Variants in CSMD3 observed in about 807,000 individuals in gnomAD.
The protein encoded by CSMD3 is CUB and Sushi multiple domains 3.
CSMD3 carries 177 observed loss-of-function variants against 435.2 expected under a neutral mutation model. The observed-to-expected ratio is 0.41, with a 90% CI of 0.36 to 0.46. The LOEUF is 0.46. Ranked by LOEUF, CSMD3 falls within the 20% of genes least tolerant of loss-of-function variation. The pLI is 0.34. For synonymous variants in CSMD3, 1,656 were observed against 1,520.5 expected, an observed-to-expected ratio of 1.09 and a Z score of -2.07; for missense variants, 4,265 against 4,504.6, an observed-to-expected ratio of 0.95 and a Z score of 1.52.
chr8:112,343,314 T>C (rs1825356584), intron 41 of CSMD3, among the ~76,000 whole-genome samples: 1 of 152,062 alleles, frequency 6.6e-6, no homozygotes. Context: ...GGAAGAGCCA[T>C]GCTGGTTCAA....
intron 13 of CSMD3, among the ~76,000 whole-genome samples, chr8:112,733,414 T>G (rs908176024): frequency 6.6e-6 from 1 of 151,860 alleles, no homozygotes; most frequent in Admixed American, 6.6e-5. Context: ...AGTAAAGTCT[T>G]TAATGAAAAA....
intron 47 of CSMD3, among the ~76,000 whole-genome samples, chr8:112,315,645 G>A (rs953650386): frequency 7.9e-5 from 12 of 151,736 alleles, no homozygotes; most frequent in Non-Finnish European, 1.2e-4. Context: ...AATGTCTTAC[G>A]AACATAATTG....
At chr8:113,342,527 A>G (rs1016028558) in intron 1 of CSMD3, among the ~76,000 whole-genome samples, 2 of 152,188 alleles carry the variant, frequency 1.3e-5, no homozygotes, top group Non-Finnish European at 2.9e-5. Flanking sequence ...TCCAAGTATT[A>G]TTTATTTAGT....
intron 11 of CSMD3, among the ~76,000 whole-genome samples, chr8:112,853,379 T>C (rs1315564077): frequency 6.6e-6 from 1 of 152,008 alleles, no homozygotes. Flanking sequence ...GTGCCTGCCA[T>C]CATGCCTGGC....
At chr8:112,250,762 A>G (rs1000546191) in intron 63 of CSMD3, among the ~76,000 whole-genome samples, 1 of 151,866 alleles carries the variant, frequency 6.6e-6, no homozygotes, top group Non-Finnish European at 1.5e-5. Flanking sequence ...GAAAGTTTTT[A>G]TAACAAGAAT....
chr8:112,682,479 T>A lies in CSMD3; in HGVS notation c.2640A>T (p.Gly880=). The change falls in exon 16 of 71, where the codon GGA becomes GGT. Residue 880 remains glycine, a synonymous_variant. Transcript: ENST00000297405. ...GAATCAGTCCACTCCACATTACTTT[T>A]CCATCCATAAGAATACATGTAATTG... is the stretch of plus-strand genomic sequence containing the variant. ...TETITCILMD[G]KVMWSGLIPK... is the part of the protein sequence containing the mutation. The A allele has an allele frequency of 1.2e-6, 2 of 1,612,956 alleles. No homozygotes were observed. Among genetic ancestry groups the A allele is most frequent in the Non-Finnish European group, 8.5e-7 (1 of 1,179,826 alleles).
intron 3 of CSMD3, among the ~76,000 whole-genome samples, chr8:113,185,769 G>A (rs114688858): frequency 5.1e-4 from 77 of 152,094 alleles, no homozygotes; most frequent in African/African-American, 1.6e-3. Context: ...GCATGTGCAC[G>A]CGTGCGTGTA....
chr8:112,840,498 T>C (rs2080148301), intron 11 of CSMD3, among the ~76,000 whole-genome samples: 1 of 151,706 alleles, frequency 6.6e-6, no homozygotes, highest in Non-Finnish European at 1.5e-5. Context: ...ACCATAGTAA[T>C]AACAATGTAG....
intron 3 of CSMD3, among the ~76,000 whole-genome samples, chr8:113,249,613 G>C (rs972147450): frequency 3.3e-5 from 5 of 151,946 alleles, no homozygotes; most frequent in Non-Finnish European, 7.4e-5. Context: ...TGTAAATCTG[G>C]TTGTACGTGT....
chr8:113,092,066 G>C (rs1326692808), intron 5 of CSMD3, among the ~76,000 whole-genome samples: 1 of 152,008 alleles, frequency 6.6e-6, no homozygotes, highest in Non-Finnish European at 1.5e-5. Context: ...CCTGACTCTA[G>C]TCTTTGATAA....
chr8:113,248,874 G>A (rs946284993), intron 3 of CSMD3, among the ~76,000 whole-genome samples: 35 of 151,746 alleles, frequency 2.3e-4, no homozygotes, highest in Admixed American at 2.0e-3. Flanking sequence ...ATGTAACGGC[G>A]ATTGCTGAAA....
At chr8:112,370,134 A>G in intron 38 of CSMD3, among the ~76,000 whole-genome samples, 1 of 152,096 alleles carries the variant, frequency 6.6e-6, no homozygotes, top group Non-Finnish European at 1.5e-5. Context: ...GATAATAGCC[A>G]AGGCATAGCC....
intron 1 of CSMD3, among the ~76,000 whole-genome samples, chr8:113,368,287 G>A (rs1290356796): frequency 1.3e-5 from 2 of 152,000 alleles, no homozygotes; most frequent in Non-Finnish European, 2.9e-5. Flanking sequence ...CCTCAGGAGC[G>A]ATGTCTCAAG....
chr8:112,518,416 G>A (rs1217953299), intron 27 of CSMD3, among the ~76,000 whole-genome samples: 1 of 152,032 alleles, frequency 6.6e-6, no homozygotes, highest in Non-Finnish European at 1.5e-5. Context: ...GCTGAGTTGA[G>A]AGGACAGCTT....
intron 13 of CSMD3, among the ~76,000 whole-genome samples, chr8:112,752,962 G>T (rs1015893995): frequency 6.7e-6 from 1 of 149,994 alleles, no homozygotes; most frequent in African/African-American, 2.4e-5. Context: ...GTCTCCCTCT[G>T]TCACCCATGC....
At chr8:112,798,659 T>C in intron 13 of CSMD3, among the ~76,000 whole-genome samples, 1 of 151,904 alleles carries the variant, frequency 6.6e-6, no homozygotes, top group East Asian at 1.9e-4. Flanking sequence ...GGGAGAACTG[T>C]GTAAATATCG....
Position 112,929,389 on chromosome 8 carries a change from TAA to T in CSMD3, c.1509-7640_1509-7639del, listed in dbSNP as rs61498134. 6.9e-3 allele frequency among the ~76,000 whole-genome samples: 1,029 copies of T among 148,594 alleles called. 9 individuals carry two copies. Among genetic ancestry groups the T allele is most frequent in the African/African-American group, 0.022 (905 of 40,386 alleles). Reference sequence around the variant, plus strand: ...ACTTAAAGCATAATAAAAAAAAAATTAAAAAAAAAAGATTTCAAGATTTTAAA... The same window carrying T: ...ACTTAAAGCATAATAAAAAAAAAATTAAAAAAAAGATTTCAAGATTTTAAA... On this transcript the variant is annotated intron_variant, in intron 9 of 70. Transcript: ENST00000297405.
chr8:112,777,799 C>T (rs189251798), intron 13 of CSMD3, among the ~76,000 whole-genome samples: 73 of 151,838 alleles, frequency 4.8e-4, no homozygotes, highest in African/African-American at 1.7e-3. Context: ...GTTGTGAAAG[C>T]TGAAATAAAC....
chr8:112,439,139 T>C (rs771330969), intron 32 of CSMD3, among the ~76,000 whole-genome samples: 1 of 152,158 alleles, frequency 6.6e-6, no homozygotes, highest in Non-Finnish European at 1.5e-5. Context: ...TGATATACTT[T>C]TGTTTTGTTT....
Sources: allele counts gnomAD v4.1 joint callset (sites outside exome capture counted in the v4.1 genomes callset), GRCh38; gene constraint gnomAD v4.1.1; transcripts MANE v1.5; gene names NCBI Gene and HGNC (gene_info 2026-07-23, HGNC 2026-07-21).